Variants in NRXN1 observed in about 807,000 individuals in gnomAD.
NRXN1 encodes the protein neurexin 1, also known as neurexin-1.
Under a neutral mutation model 150.9 loss-of-function variants are expected in NRXN1, and 39 were observed. That is an observed-to-expected ratio of 0.26 (90% CI 0.20 to 0.34). The LOEUF is 0.34. Among genes scored for constraint, NRXN1 ranks in the 10% least tolerant of loss-of-function variants. NRXN1 has a pLI of 1.00. For missense variants in NRXN1, 1,815 were observed against 1,949.9 expected, an observed-to-expected ratio of 0.93 and a Z score of 1.30; for synonymous variants, 924 against 757.0, an observed-to-expected ratio of 1.22 and a Z score of -3.62.
chr2:50,478,518 C>G (rs1025089763), intron 15 of NRXN1, among the ~76,000 whole-genome samples: 1 of 152,160 alleles, frequency 6.6e-6, no homozygotes, highest in African/African-American at 2.4e-5. Flanking sequence ...ATTTTAGAAA[C>G]TCTCCGCTGA....
At chr2:50,184,974 G>A (rs1447546166) in intron 18 of NRXN1, among the ~76,000 whole-genome samples, 1 of 152,040 alleles carries the variant, frequency 6.6e-6, no homozygotes, top group African/African-American at 2.4e-5. Context: ...CGCCACGTAG[G>A]TGGCCTCCCC....
chr2:50,913,699 C>T (rs1389382556), intron 5 of NRXN1, among the ~76,000 whole-genome samples: 1 of 151,710 alleles, frequency 6.6e-6, no homozygotes, highest in Non-Finnish European at 1.5e-5. Flanking sequence ...ATAGAGAGTA[C>T]TTCAGCTGCT....
chr2:50,688,007 G>T (rs1301710909), intron 5 of NRXN1, among the ~76,000 whole-genome samples: 1 of 152,070 alleles, frequency 6.6e-6, no homozygotes, highest in Non-Finnish European at 1.5e-5. Flanking sequence ...AGCACTAATA[G>T]GTAAAATGTA....
chr2:50,718,091 G>A (rs1696098919), intron 5 of NRXN1, among the ~76,000 whole-genome samples: 1 of 152,128 alleles, frequency 6.6e-6, no homozygotes, highest in African/African-American at 2.4e-5. Context: ...CATAACGTCA[G>A]CAATTACCCG....
At chr2:50,700,945 C>T (rs964788119) in intron 5 of NRXN1, among the ~76,000 whole-genome samples, 2 of 151,976 alleles carry the variant, frequency 1.3e-5, no homozygotes, top group East Asian at 1.9e-4. Flanking sequence ...GGATTACAGG[C>T]GTGAGCAACT....
At chr2:50,532,367 GAAATATAGCTT>G (rs71404962) in intron 10 of NRXN1, among the ~76,000 whole-genome samples, 41,045 of 150,632 alleles carry the variant, frequency 0.27, 6,612 homozygotes, top group South Asian at 0.39. Flanking sequence ...AAAAAAAAAA[GAAATATAGCTT>G]AACTATAGGA....
At chr2:50,663,843 G>A (rs540578663) in intron 5 of NRXN1, among the ~76,000 whole-genome samples, 1 of 150,890 alleles carries the variant, frequency 6.6e-6, no homozygotes, top group Admixed American at 6.6e-5. Flanking sequence ...TGAGCCTAAA[G>A]ATTTAAGAAT....
At chr2:50,222,103 G>A (rs1315348625) in intron 18 of NRXN1, among the ~76,000 whole-genome samples, 1 of 151,958 alleles carries the variant, frequency 6.6e-6, no homozygotes, top group Admixed American at 6.6e-5. Context: ...ACTCTGAAAT[G>A]AGTACTGCTA....
At chr2:50,261,664 C>G (rs775261730) in intron 17 of NRXN1, among the ~76,000 whole-genome samples, 1 of 151,750 alleles carries the variant, frequency 6.6e-6, no homozygotes, top group African/African-American at 2.4e-5. Flanking sequence ...AAATAGATTC[C>G]TTTAATTTTG....
intron 17 of NRXN1, among the ~76,000 whole-genome samples, chr2:50,341,261 G>A (rs181053716): frequency 6.6e-6 from 1 of 152,280 alleles, no homozygotes; most frequent in Non-Finnish European, 1.5e-5. Flanking sequence ...TGAAAGAAAT[G>A]ATGTTCAAAG....
intron 18 of NRXN1, among the ~76,000 whole-genome samples, chr2:50,135,781 G>A (rs1322270155): frequency 6.6e-6 from 1 of 152,158 alleles, no homozygotes; most frequent in Non-Finnish European, 1.5e-5. Context: ...TGATTATTTT[G>A]GCTGTAGTGT....
At chr2:49,960,155 G>A (rs1315993493) in intron 21 of NRXN1, among the ~76,000 whole-genome samples, 7 of 152,112 alleles carry the variant, frequency 4.6e-5, no homozygotes, top group African/African-American at 1.7e-4. Context: ...CCATGGCAAT[G>A]GTTTGCAAGA....
At chr2:50,750,776 A>T (rs1290242548) in intron 5 of NRXN1, among the ~76,000 whole-genome samples, 1 of 152,050 alleles carries the variant, frequency 6.6e-6, no homozygotes, top group Non-Finnish European at 1.5e-5. Context: ...GATTTCCTTG[A>T]AATTAAAAAT....
intron 5 of NRXN1, among the ~76,000 whole-genome samples, chr2:50,697,567 C>T (rs527335839): frequency 3.9e-4 from 59 of 152,196 alleles, no homozygotes; most frequent in Admixed American, 2.0e-3. Context: ...TGGTTTCATC[C>T]GAACCTAACG....
At chr2:50,683,646 A>AAAATATATAT in intron 5 of NRXN1, among the ~76,000 whole-genome samples, 1 of 14,904 alleles carries the variant, frequency 6.7e-5, no homozygotes, top group Non-Finnish European at 1.1e-4. Context: ...AAAAAAAAAA[A>AAAATATATAT]ATATATATAT....
chr2:50,912,820 A>C (rs1287043403), intron 5 of NRXN1: 2 of 151,664 alleles, frequency 1.3e-5, no homozygotes, highest in African/African-American at 4.8e-5. Flanking sequence ...AACCTAGCCT[A>C]ATAACTGGCA....
intron 8 of NRXN1, among the ~76,000 whole-genome samples, chr2:50,600,262 T>A (rs987455517): frequency 1.3e-5 from 2 of 151,136 alleles, no homozygotes; most frequent in African/African-American, 4.9e-5. Flanking sequence ...AGTTTGCTAA[T>A]GGCTGAAAAT....
intron 18 of NRXN1, among the ~76,000 whole-genome samples, chr2:50,216,442 G>C (rs1239241320): frequency 6.6e-6 from 1 of 151,954 alleles, no homozygotes; most frequent in East Asian, 1.9e-4. Flanking sequence ...AAGGCATTGA[G>C]CCATACCTCT....
intron 17 of NRXN1, among the ~76,000 whole-genome samples, chr2:50,269,036 A>G (rs893811580): frequency 1.3e-5 from 2 of 152,164 alleles, no homozygotes; most frequent in Non-Finnish European, 2.9e-5. Flanking sequence ...TAATTGTGAC[A>G]TTGTAGATAT....
Sources: allele counts gnomAD v4.1 joint callset (sites outside exome capture counted in the v4.1 genomes callset), GRCh38; gene constraint gnomAD v4.1.1; transcripts MANE v1.5; gene names NCBI Gene and HGNC (gene_info 2026-07-23, HGNC 2026-07-21).